SMIM15: variants seen among roughly 807,000 people sequenced by gnomAD.
The protein encoded by SMIM15 is UPF0542 protein C5orf43.
A neutral mutation model predicts 6.8 loss-of-function variants in SMIM15; 5 were observed. That is an observed-to-expected ratio of 0.74 (90% CI 0.39 to 1.56). The LOEUF (loss-of-function observed/expected upper bound fraction) is 1.56. Among genes scored for constraint, SMIM15 ranks in the 40% most tolerant of loss-of-function variants. The pLI is 0.03. For missense variants in SMIM15, 81 were observed against 84.8 expected (o/e 0.96, Z 0.18); for synonymous variants, 30 against 30.8 (o/e 0.97, Z 0.09).
rs1226365758 is a variant in SMIM15 at position 61,159,427 on chromosome 5, ATTTTG to A, written c.*515_*519del. On this transcript the variant is annotated 3_prime_UTR_variant, in exon 3 of 3. Coordinates refer to ENST00000339020, the MANE Select transcript of SMIM15 (RefSeq NM_001048249.4). ...GCAAATAGAAGTACTCATTAATATT[ATTTTG>A]TTTTGAGAAAGCCAGAAATGATTCT... 2 of 154,276 alleles carry A rather than the reference ATTTTG, an allele frequency of 1.3e-5. No individual in the cohort carries two copies. The highest frequency in any genetic ancestry group is 1.9e-4 in the East Asian group (1 of 5,226). The allele number at this position is 154,276 out of a possible 1,614,324, so 9.6% of individuals were successfully genotyped here. A position where few individuals can be genotyped will look rare whatever the true frequency, so the allele number is the denominator to read the frequency against.
rs1741364476 is a variant in SMIM15, at chr5:61,158,788, T to TA, written c.*1158dup. The TA allele has an allele frequency of 6.6e-6, 1 of 152,186 alleles. No homozygotes were observed. Among genetic ancestry groups the TA allele is most frequent in the African/African-American group, 2.4e-5 (1 of 41,464 alleles). 9.4% of individuals were successfully genotyped at this position (152,186 alleles called of 1,614,324 possible). A position where few individuals can be genotyped will look rare whatever the true frequency, so the allele number is the denominator to read the frequency against. On this transcript the variant is annotated 3_prime_UTR_variant, in exon 3 of 3. Transcript: ENST00000339020. Reference sequence around the variant, plus strand: ...CATTTATAAAAGCCATGTTTAATAGTAAAACGTTCCAGTTCTACTAAACTG... The same window carrying TA: ...CATTTATAAAAGCCATGTTTAATAGTAAAAACGTTCCAGTTCTACTAAACTG...
At position 61,159,181 on chromosome 5, in the gene SMIM15, C is replaced by T. The variant is rs1274131306; in HGVS notation, c.*766G>A. ...GAATAAACTGGGTTCCAAGGTACTA[C>T]AGTGTTTGGCATTTTTACTGCAAGC... On this transcript the variant is annotated 3_prime_UTR_variant, in exon 3 of 3. Transcript: ENST00000339020. The T allele has an allele frequency of 3.3e-5, 5 of 152,634 alleles. No homozygotes were observed. The highest frequency in any genetic ancestry group is 1.2e-4 in the African/African-American group (5 of 41,454). The allele number at this position is 152,634 out of a possible 1,614,324, so 9.5% of individuals were successfully genotyped here. A position where few individuals can be genotyped will look rare whatever the true frequency, so the allele number is the denominator to read the frequency against.
In SMIM15 at chr5:61,158,777, A is replaced by G. The variant is rs1266280931; in HGVS notation, c.*1170T>C. 6.6e-6 allele frequency: 1 copy of G among 152,188 alleles called. No individual in the cohort carries two copies. Among genetic ancestry groups the G allele is most frequent in the African/African-American group, 2.4e-5 (1 of 41,454 alleles). The allele number at this position is 152,188 out of a possible 1,614,324, so 9.4% of individuals were successfully genotyped here. ...ATTGGACCATGCATTTATAAAAGCC[A>G]TGTTTAATAGTAAAACGTTCCAGTT... On this transcript the variant is annotated 3_prime_UTR_variant, in exon 3 of 3. Transcript: ENST00000339020.
At chr5:61,161,029 T>C (rs1182101371) in intron 2 of SMIM15, 59 bp downstream of exon 2, 2 of 152,218 alleles carry the variant, frequency 1.3e-5, no homozygotes, top group Non-Finnish European at 2.9e-5. Flanking sequence ...GGGTAGGGAA[T>C]GAGTGTATAT....
chr5:61,161,004 A>T (rs1741407825), intron 2 of SMIM15, 84 bp downstream of exon 2: 1 of 152,192 alleles, frequency 6.6e-6, no homozygotes, highest in Non-Finnish European at 1.5e-5. Context: ...TTCAAAGTGG[A>T]GAATTAGAAT....
At position 61,161,232 on chromosome 5, in the gene SMIM15, T is replaced by G. The variant is rs1741412159; in HGVS notation, c.-168-5A>C. 6.6e-6 allele frequency: 1 copy of G among 152,180 alleles called. No homozygotes were observed. Among genetic ancestry groups the G allele is most frequent in the Non-Finnish European group, 1.5e-5 (1 of 68,030 alleles). 9.4% of individuals were successfully genotyped at this position (152,180 alleles called of 1,614,324 possible). A position where few individuals can be genotyped will look rare whatever the true frequency, so the allele number is the denominator to read the frequency against. On this transcript the variant is annotated splice_polypyrimidine_tract_variant and splice_region_variant and intron_variant, in intron 1 of 2. Transcript: ENST00000339020. ...GTTTAAATTCTGTACAATTGGCTAG[T>G]TGGAAAGAATACAAAAAATAAAACA...
In SMIM15 at chr5:61,159,672, C is replaced by A; in HGVS notation, c.*275G>T. 2.4e-6 allele frequency: 1 copy of A among 419,304 alleles called. No individual in the cohort carries two copies. The highest frequency in any genetic ancestry group is 4.3e-6 in the Non-Finnish European group (1 of 231,244). The allele number at this position is 419,304 out of a possible 1,614,324, so 26.0% of individuals were successfully genotyped here. A position where few individuals can be genotyped will look rare whatever the true frequency, so the allele number is the denominator to read the frequency against. On this transcript the variant is annotated 3_prime_UTR_variant, in exon 3 of 3. Coordinates refer to ENST00000339020, the MANE Select transcript of SMIM15 (RefSeq NM_001048249.4). ...TGTTTTCATTTCAGTATATAAACTG[C>A]TAAGCGGCAAATGACTAAGTCAGTT...
In SMIM15 at chr5:61,158,441, C is replaced by T. The variant is rs1377114850; in HGVS notation, c.*1506G>A. On this transcript the variant is annotated 3_prime_UTR_variant, in exon 3 of 3. Transcript: ENST00000339020. ...TAAAAGAATAGCATTAAGTGTTATT[C>T]AAACTGGTCCATAAACATTCTCAGT... is the stretch of plus-strand genomic sequence containing the variant. 1 of 151,930 alleles carries T rather than the reference C, an allele frequency of 6.6e-6. No individual in the cohort carries two copies. The highest frequency in any genetic ancestry group is 6.6e-5 in the Admixed American group (1 of 15,252). 9.4% of individuals were successfully genotyped at this position (151,930 alleles called of 1,614,324 possible).
rs1345291241 is a variant in SMIM15 at position 61,161,217 on chromosome 5, T to C, written c.-158A>G. ...CACATCTGAGAGACGGTTTAAATTC[T>C]GTACAATTGGCTAGTTGGAAAGAAT... On this transcript the variant is annotated 5_prime_UTR_variant, in exon 2 of 3. Transcript: ENST00000339020. 2 of 152,222 alleles carry C rather than the reference T, an allele frequency of 1.3e-5. No individual in the cohort carries two copies. Among genetic ancestry groups the C allele is most frequent in the Non-Finnish European group, 2.9e-5 (2 of 68,048 alleles). The allele number at this position is 152,222 out of a possible 1,614,324, so 9.4% of individuals were successfully genotyped here. A position where few individuals can be genotyped will look rare whatever the true frequency, so the allele number is the denominator to read the frequency against.
intron 2 of SMIM15, among the ~76,000 whole-genome samples, chr5:61,160,778 G>A (rs1017124513): frequency 2.0e-5 from 3 of 152,176 alleles, no homozygotes; most frequent in East Asian, 3.8e-4. Context: ...GAAGCAAAAA[G>A]TACTGTGCTA....
intron 1 of SMIM15, chr5:61,161,981 CCACAGGCCA>C (rs1285088687): frequency 2.6e-5 from 4 of 152,240 alleles, no homozygotes; most frequent in Non-Finnish European, 5.9e-5. Flanking sequence ...GAGCCATGGT[CCACAGGCCA>C]CACATCTCCC....
Position 61,159,364 on chromosome 5 carries a change from T to C in SMIM15, c.*583A>G, listed in dbSNP as rs1014674160. 6.5e-6 allele frequency: 1 copy of C among 153,172 alleles called. No homozygotes were observed. The highest frequency in any genetic ancestry group is 2.4e-5 in the African/African-American group (1 of 41,456). 9.5% of individuals were successfully genotyped at this position (153,172 alleles called of 1,614,324 possible). On this transcript the variant is annotated 3_prime_UTR_variant, in exon 3 of 3. Transcript: ENST00000339020. ...TTAAAAAATGGAAAATGACTTATAA[T>C]TACCAGCTGTCTCAAAGGCTGTAAT... is the stretch of plus-strand genomic sequence containing the variant.
rs140323722 is a variant in SMIM15 at position 61,160,043 on chromosome 5, T to C, written c.129A>G (p.Lys43=). 235 of 1,614,130 alleles carry C rather than the reference T, an allele frequency of 1.5e-4. No individual in the cohort carries two copies. The highest frequency in any genetic ancestry group is 1.8e-4 in the Non-Finnish European group (215 of 1,179,998). Reference sequence around the variant, plus strand: ...CCCTGGCCTCAATCATCTTGGCCAATTTCCAAGACAGTACAGCACTTGCTA... The same window carrying C: ...CCCTGGCCTCAATCATCTTGGCCAACTTCCAAGACAGTACAGCACTTGCTA... The part of the protein sequence containing the change: ...LFLASAVLSW[K]LAKMIEAREK... The change falls in exon 3 of 3, where the codon AAA becomes AAG. Residue 43 remains lysine (K), a synonymous_variant. Transcript: ENST00000339020.
intron 1 of SMIM15, 74 bp from the exon 2 acceptor site, chr5:61,161,301 A>C (rs1197184874): frequency 6.6e-6 from 1 of 152,212 alleles, no homozygotes; most frequent in Non-Finnish European, 1.5e-5. Flanking sequence ...AAAATTTTAA[A>C]TGGAAAATTT....
At chr5:61,161,454 A>T (rs184457149) in intron 1 of SMIM15, among the ~76,000 whole-genome samples, 1 of 152,180 alleles carries the variant, frequency 6.6e-6, no homozygotes, top group Non-Finnish European at 1.5e-5. Context: ...GTATTTTACT[A>T]AGTTACTTAT....
rs1185730760 is a variant in SMIM15 at position 61,159,975 on chromosome 5, G to A, written c.197C>T (p.Ala66Val). The A allele has an allele frequency of 6.2e-7, 1 of 1,613,248 alleles. No individual in the cohort carries two copies. Among genetic ancestry groups the A allele is most frequent in the East Asian group, 2.2e-5 (1 of 44,886 alleles). The change falls in exon 3 of 3, where the codon GCA becomes GTA. Residue 66 changes from alanine to valine, a missense_variant. Coordinates refer to ENST00000339020, the MANE Select transcript of SMIM15 (RefSeq NM_001048249.4). ...ATCCTTTTTTAGTCGTTTAGCTTTT[G>A]CAATGTTTTCTTGGCGTTTTTGCTT... ...KKKQKRQENIAKAKRLKKD is the reference protein window; with the variant it reads ...KKKQKRQENIVKAKRLKKD
At position 61,158,779 on chromosome 5, in the gene SMIM15, G is replaced by A. The variant is rs1038591429; in HGVS notation, c.*1168C>T. 1.3e-5 allele frequency: 2 copies of A among 152,132 alleles called. No homozygotes were observed. The highest frequency in any genetic ancestry group is 4.8e-5 in the African/African-American group (2 of 41,436). The allele number at this position is 152,132 out of a possible 1,614,324, so 9.4% of individuals were successfully genotyped here. A position where few individuals can be genotyped will look rare whatever the true frequency, so the allele number is the denominator to read the frequency against. ...TGGACCATGCATTTATAAAAGCCAT[G>A]TTTAATAGTAAAACGTTCCAGTTCT... On this transcript the variant is annotated 3_prime_UTR_variant, in exon 3 of 3. Coordinates refer to ENST00000339020, the MANE Select transcript of SMIM15 (RefSeq NM_001048249.4).
At chr5:61,161,375 A>G (rs571821088) in intron 1 of SMIM15, 148 bp from the exon 2 acceptor site, 1 of 152,354 alleles carries the variant, frequency 6.6e-6, no homozygotes, top group African/African-American at 2.4e-5. Flanking sequence ...GTAACTTAAT[A>G]CGTTTCTTCC....
At position 61,158,320 on chromosome 5, in the gene SMIM15, C is replaced by T. The variant is rs1196366115; in HGVS notation, c.*1627G>A. ...CCATGAACAGCTTGATTGCAGAAAA[C>T]CAAACATATTATAGATATATCTTAA... On this transcript the variant is annotated 3_prime_UTR_variant, in exon 3 of 3. Transcript: ENST00000339020. 3 of 151,974 alleles carry T rather than the reference C, an allele frequency of 2.0e-5. No individual in the cohort carries two copies. The highest frequency in any genetic ancestry group is 4.4e-5 in the Non-Finnish European group (3 of 67,988). The allele number at this position is 151,974 out of a possible 1,614,324, so 9.4% of individuals were successfully genotyped here.
Sources: gnomAD v4.1 joint callset for allele counts (sites outside exome capture counted in the v4.1 genomes callset) on GRCh38, gnomAD v4.1.1 for gene constraint, MANE v1.5 for transcripts, NCBI Gene and HGNC (gene_info 2026-07-23, HGNC 2026-07-21) for gene names.